Variants in MCM4 observed in about 807,000 individuals in gnomAD.
The protein encoded by MCM4 is DNA replication licensing factor MCM4.
In MCM4, 60 loss-of-function variants were observed where a neutral mutation model predicts 88.7. The observed-to-expected ratio is 0.68, with a 90% CI of 0.55 to 0.84. MCM4 has a LOEUF of 0.84. MCM4 is among the 40% of genes least tolerant of loss of function. MCM4 has a pLI of 0.00. For missense variants in MCM4, 1,149 were observed against 1,105.5 expected, an observed-to-expected ratio of 1.04 and a Z score of -0.56; for synonymous variants, 465 against 410.5, an observed-to-expected ratio of 1.13 and a Z score of -1.61.
At chr8:47,969,597 C>T (rs1399398122) in intron 10 of MCM4, 2 of 586,114 alleles carry the variant, frequency 3.4e-6, no homozygotes, top group Admixed American at 3.0e-5. Context: ...CCTGCTTGCT[C>T]ATAGCAAGCG....
rs1314519901 is a variant in MCM4, at chr8:47,966,231, TC to T, written c.880del (p.Gln294SerfsTer2). On this transcript the variant is annotated frameshift_variant, in exon 9 of 17. Coordinates refer to ENST00000649973, the MANE Select transcript of MCM4 (RefSeq NM_182746.3). LOFTEE classifies it high-confidence loss of function. ...ITISGMVIRT[S>X]QLIPEMQEAF... is the part of the protein sequence containing the mutation. ...CATCAGCGGCATGGTGATCAGGACA[TC>T]CCAGCTGATTCCCGAGATGCAGGAG... The T allele has an allele frequency of 6.2e-7, 1 of 1,613,942 alleles. No individual in the cohort carries two copies. Among genetic ancestry groups the T allele is most frequent in the African/African-American group, 1.3e-5 (1 of 74,912 alleles).
chr8:47,970,128 C>T, intron 11 of MCM4, 71 bp downstream of exon 11: 3 of 1,520,030 alleles, frequency 2.0e-6, no homozygotes, highest in African/African-American at 2.8e-5. Flanking sequence ...AACATCCACT[C>T]CGCCACTCGA....
At chr8:47,961,106 G>C in intron 1 of MCM4, 25 bp from the exon 2 acceptor site, 1 of 1,527,530 alleles carries the variant, frequency 6.5e-7, no homozygotes, top group Non-Finnish European at 8.7e-7. Flanking sequence ...GGCGGGCCCG[G>C]CCCGAGCTTG....
Position 47,971,377 on chromosome 8 carries a change from G to A in MCM4, c.1837G>A (p.Val613Ile), listed in dbSNP as rs760167853. Residue 613 changes from valine to isoleucine, a missense_variant, in exon 13 of 17, where the codon GTC (valine) becomes ATC (isoleucine). Transcript: ENST00000649973. ...CTGTCAGCTCAATGCGCGCACCTCT[G>A]TCCTGGCAGCAGCAAATCCCATTGA... ...IICQLNARTSVLAAANPIESQ... is the reference protein window; with the variant it reads ...IICQLNARTSILAAANPIESQ... The A allele has an allele frequency of 1.2e-6, 2 of 1,614,112 alleles. No homozygotes were observed. The highest frequency in any genetic ancestry group is 2.2e-5 in the South Asian group (2 of 91,080).
At position 47,977,916 on chromosome 8, in the gene MCM4, A is replaced by G. The variant is rs114521965; in HGVS notation, c.*1138A>G. On this transcript the variant is annotated 3_prime_UTR_variant, in exon 17 of 17. Transcript: ENST00000649973. ...CATAAAACTTTTTCCTAAATAAATGATGGAAGGAATAATACTTGGTTACCT... is the reference window on the plus strand; with the variant it reads ...CATAAAACTTTTTCCTAAATAAATGGTGGAAGGAATAATACTTGGTTACCT... 53 of 152,348 alleles carry G rather than the reference A, an allele frequency of 3.5e-4. No homozygotes were observed. The highest frequency in any genetic ancestry group is 1.3e-3 in the African/African-American group (52 of 41,586). The allele number at this position is 152,348 out of a possible 1,614,324, so 9.4% of individuals were successfully genotyped here.
intron 9 of MCM4, 88 bp from the exon 10 acceptor site, chr8:47,967,277 A>T: frequency 6.8e-7 from 1 of 1,467,310 alleles, no homozygotes; most frequent in African/African-American, 1.4e-5. Context: ...CTGCAGCCTT[A>T]TATGGCAAAA....
At chr8:47,966,542 G>A (rs572250442) in intron 9 of MCM4, 135 bp downstream of exon 9, 17 of 866,368 alleles carry the variant, frequency 2.0e-5, no homozygotes, top group African/African-American at 3.4e-5. Context: ...TGTGGGTTTC[G>A]TTAGTGGCCT....
chr8:47,971,505 A>G, intron 13 of MCM4, 37 bp downstream of exon 13: 1 of 1,605,640 alleles, frequency 6.2e-7, no homozygotes, highest in Non-Finnish European at 8.5e-7. Context: ...CATTTGTAGA[A>G]TATTCAGGGT....
intron 9 of MCM4, among the ~76,000 whole-genome samples, chr8:47,967,050 G>A (rs1449475883): frequency 6.6e-6 from 1 of 152,224 alleles, no homozygotes; most frequent in African/African-American, 2.4e-5. Context: ...AAGTGGCTTA[G>A]AGAAAAGCCC....
chr8:47,975,081 T>A, intron 15 of MCM4, 119 bp downstream of exon 15: 2 of 787,856 alleles, frequency 2.5e-6, no homozygotes, highest in South Asian at 2.0e-5. Flanking sequence ...TAACCTTTTT[T>A]GGATTAGGAC....
chr8:47,975,605 C>T (rs2090994335), intron 15 of MCM4, 110 bp from the exon 16 acceptor site: 3 of 717,486 alleles, frequency 4.2e-6, no homozygotes, highest in Non-Finnish European at 6.3e-6. Context: ...GTACTCAGCC[C>T]CTGTCGCCTT....
chr8:47,971,617 A>G, intron 13 of MCM4, 149 bp downstream of exon 13: 4 of 784,722 alleles, frequency 5.1e-6, no homozygotes, highest in Non-Finnish European at 8.1e-6. Flanking sequence ...TTTCACGACA[A>G]GGATGATGTG....
intron 8 of MCM4, 65 bp downstream of exon 8, chr8:47,964,777 T>C: frequency 3.7e-6 from 5 of 1,352,872 alleles, no homozygotes; most frequent in Non-Finnish European, 4.0e-6. Flanking sequence ...ATAGCCTTGT[T>C]TTCATTGAGA....
chr8:47,973,002 G>T lies in MCM4; in HGVS notation c.2074G>T (p.Ala692Ser). 6.2e-7 allele frequency: 1 copy of T among 1,614,108 alleles called. No individual in the cohort carries two copies. Among genetic ancestry groups the T allele is most frequent in the Non-Finnish European group, 8.5e-7 (1 of 1,180,024 alleles). ...LDMAVLKDYI[A>S]YAHSTIMPRL... ...CATGGCGGTGCTAAAGGACTACATTGCCTACGCGCACAGCACCATCATGCC... is the reference window on the plus strand; with the variant it reads ...CATGGCGGTGCTAAAGGACTACATTTCCTACGCGCACAGCACCATCATGCC... Residue 692 changes from alanine (A) to serine (S), a missense_variant, in exon 14 of 17, where the codon GCC becomes TCC. Ala to Ser is a moderately conservative substitution (Grantham distance 99, BLOSUM62 1). This residue lies in a region of MCM4 where 238 missense variants were observed against 241.6 expected (regional missense o/e 0.99). Transcript: ENST00000649973.
Position 47,971,513 on chromosome 8 carries a change from G to C in MCM4, c.1928+45G>C, listed in dbSNP as rs931305199. The C allele has an allele frequency of 6.9e-6, 11 of 1,597,878 alleles. 1 individual carries two copies. The highest frequency in any genetic ancestry group is 1.7e-5 in the Admixed American group (1 of 59,724). ...TTTTGTTCATTTGTAGAATATTCAG[G>C]GTGAGATTGAAAAGGAGCTACTAAG... On this transcript the variant is annotated intron_variant, in intron 13 of 16. Coordinates refer to ENST00000649973, the MANE Select transcript of MCM4 (RefSeq NM_182746.3).
chr8:47,970,060 A>G lies in MCM4; in HGVS notation c.1434+3A>G. On this transcript the variant is annotated splice_donor_region_variant and intron_variant, in intron 11 of 16. Coordinates refer to ENST00000649973, the MANE Select transcript of MCM4 (RefSeq NM_182746.3). ...ATGAACATGAAGATATAAAGAAGGTAACAGTGGATTTTAAACTAGGGGTTG... is the reference window on the plus strand; with the variant it reads ...ATGAACATGAAGATATAAAGAAGGTGACAGTGGATTTTAAACTAGGGGTTG... 1.2e-6 allele frequency: 2 copies of G among 1,612,058 alleles called. No individual in the cohort carries two copies. The highest frequency in any genetic ancestry group is 1.7e-6 in the Non-Finnish European group (2 of 1,178,858).
chr8:47,969,183 A>G (rs916624189), intron 10 of MCM4: 1 of 153,238 alleles, frequency 6.5e-6, no homozygotes, highest in Admixed American at 6.5e-5. Flanking sequence ...CCAGGTGAAC[A>G]CGTCCTCGGG....
Position 47,972,855 on chromosome 8 carries a change from A to G in MCM4, c.1929-2A>G. ...AACAGTATTTTTACTTTGTTTTCTT[A>G]GGTTTGATTTGATCTTCCTCTTGCT... On this transcript the variant is annotated splice_acceptor_variant, in intron 13 of 16. Coordinates refer to ENST00000649973, the MANE Select transcript of MCM4 (RefSeq NM_182746.3). LOFTEE classifies it high-confidence loss of function. The G allele has an allele frequency of 6.2e-7, 1 of 1,613,444 alleles. No homozygotes were observed.
At chr8:47,964,864 C>T in intron 8 of MCM4, 152 bp downstream of exon 8, 1 of 618,346 alleles carries the variant, frequency 1.6e-6, no homozygotes, top group Non-Finnish European at 2.6e-6. Context: ...TTCAGTTATC[C>T]TATATACTTA....
Sources: gnomAD v4.1 joint callset for allele counts (sites outside exome capture counted in the v4.1 genomes callset) on GRCh38, gnomAD v4.1.1 for gene constraint, gnomAD v4.1.1 regional missense constraint, MANE v1.5 for transcripts, NCBI Gene and HGNC (gene_info 2026-07-23, HGNC 2026-07-21) for gene names.